The following BICRA variants were observed in gnomAD, a reference collection of about 807,000 sequenced individuals.
The protein encoded by BICRA is BRD4 interacting chromatin remodeling complex associated protein.
In BICRA, 31 loss-of-function variants were observed where a neutral mutation model predicts 96.9. That is an observed-to-expected ratio of 0.32 (90% CI 0.24 to 0.43). The LOEUF (loss-of-function observed/expected upper bound fraction) is 0.43, where lower values mean the gene tolerates loss of function less well. BICRA is among the 20% of genes least tolerant of loss of function. The probability of loss-of-function intolerance (pLI) is 1.00; values close to 1 mark genes in which losing one functional copy is unlikely to be tolerated. For synonymous variants in BICRA, 1,350 were observed against 1,071.8 expected, an observed-to-expected ratio of 1.26 and a Z score of -5.07; for missense variants, 2,283 against 2,190.3, an observed-to-expected ratio of 1.04 and a Z score of -0.84.
chr19:47,694,811 C>A, intron 8 of BICRA, 85 bp downstream of exon 8: 1 of 1,144,778 alleles, frequency 8.7e-7, no homozygotes, highest in Non-Finnish European at 1.2e-6. Context: ...CGCCTTACGG[C>A]TCTGTGATCC....
At chr19:47,635,426 T>C (rs956831589) in intron 1 of BICRA, among the ~76,000 whole-genome samples, 1 of 151,992 alleles carries the variant, frequency 6.6e-6, no homozygotes, top group Non-Finnish European at 1.5e-5. Flanking sequence ...TTTTTTTTTT[T>C]ACTTTTTGTA....
chr19:47,675,542 G>C lies in BICRA; in HGVS notation c.85-309G>C, dbSNP rs559305591. On this transcript the variant is annotated intron_variant, in intron 4 of 14. Coordinates refer to ENST00000594866, the MANE Select transcript of BICRA (RefSeq NM_001394372.1). This position sits in a 1 kb window ranked among gnomAD's most constrained non-coding sequence, Gnocchi z 4.7. The stretch of plus-strand genomic sequence containing the variant: ...AGGCTGTGCTACTGGAGAGACTGGG[G>C]GGCAGTGGCAGGGCGCAGCTTGGGC... Among the ~76,000 whole-genome samples, 6 of 152,326 alleles carry C rather than the reference G, an allele frequency of 3.9e-5. No homozygotes were observed. In the South Asian group the frequency reaches 1.2e-3, roughly 32 times the overall value.
chr19:47,654,072 C>T (rs1972579723), intron 1 of BICRA, among the ~76,000 whole-genome samples: 2 of 152,146 alleles, frequency 1.3e-5, no homozygotes, highest in South Asian at 2.1e-4. Context: ...TGCTGGGCCA[C>T]GTGGCAACTC....
At chr19:47,613,922 T>G (rs1971947298) in intron 1 of BICRA, among the ~76,000 whole-genome samples, 1 of 151,700 alleles carries the variant, frequency 6.6e-6, no homozygotes, top group African/African-American at 2.4e-5. Flanking sequence ...ATGTATTCAT[T>G]GGGGGGAGGG....
chr19:47,648,582 G>A (rs1331131297), intron 1 of BICRA, among the ~76,000 whole-genome samples: 1 of 151,830 alleles, frequency 6.6e-6, no homozygotes, highest in African/African-American at 2.4e-5. Context: ...TCGAGAAAAG[G>A]AAGGGCATGG....
chr19:47,625,865 G>A (rs184313917), intron 1 of BICRA, among the ~76,000 whole-genome samples: 82 of 152,228 alleles, frequency 5.4e-4, no homozygotes, highest in African/African-American at 1.9e-3. Flanking sequence ...TGGGGGCCGG[G>A]GGCACGGGGA....
rs1973436483 is a variant in BICRA, at chr19:47,701,239, A to G, written c.3596-89A>G. 4 of 846,494 alleles carry G rather than the reference A, an allele frequency of 4.7e-6. No individual in the cohort carries two copies. Among genetic ancestry groups the G allele is most frequent in the South Asian group, 1.4e-5 (1 of 69,882 alleles). The allele number at this position is 846,494 out of a possible 1,614,324, so 52.4% of individuals were successfully genotyped here. Reference sequence around the variant, plus strand: ...GGGTGCAGTCTGGTGCCTGGCAGGTAGTAGGTGCTCACTGCACACAGCTCC... The same window carrying G: ...GGGTGCAGTCTGGTGCCTGGCAGGTGGTAGGTGCTCACTGCACACAGCTCC... On this transcript the variant is annotated intron_variant, in intron 14 of 14. Transcript: ENST00000594866. This position sits in a 1 kb window ranked among gnomAD's most constrained non-coding sequence, Gnocchi z 5.4.
Position 47,641,771 on chromosome 19 carries a change from A to G in BICRA, c.-107-28672A>G, listed in dbSNP as rs1267294815. Among the ~76,000 whole-genome samples the G allele has an allele frequency of 2.6e-5, 4 of 152,204 alleles. No homozygotes were observed. In the East Asian group the frequency reaches 5.8e-4, roughly 22 times the overall value. Reference sequence around the variant, plus strand: ...TTTTGATAGTGATTACATTGAATCTATAGACCAATTTGAGTAATATATATA... The same window carrying G: ...TTTTGATAGTGATTACATTGAATCTGTAGACCAATTTGAGTAATATATATA... On this transcript the variant is annotated intron_variant, in intron 1 of 14. Transcript: ENST00000594866.
chr19:47,648,376 T>G (rs1468633013), intron 1 of BICRA, among the ~76,000 whole-genome samples: 6 of 151,978 alleles, frequency 3.9e-5, no homozygotes, highest in Non-Finnish European at 8.8e-5. Flanking sequence ...ATCATCCTCC[T>G]TCAGGAGTCC....
intron 1 of BICRA, among the ~76,000 whole-genome samples, chr19:47,610,385 C>T (rs960134162): frequency 3.9e-5 from 6 of 152,212 alleles, no homozygotes; most frequent in Non-Finnish European, 8.8e-5. Context: ...CGGGCTCGGG[C>T]GCCGGCGGTG....
intron 1 of BICRA, among the ~76,000 whole-genome samples, chr19:47,613,035 C>T (rs117148896): frequency 6.6e-6 from 1 of 151,968 alleles, no homozygotes; most frequent in South Asian, 2.1e-4. Flanking sequence ...AGGAACTGAT[C>T]TTTTTGGGGG....
intron 1 of BICRA, among the ~76,000 whole-genome samples, chr19:47,610,200 AGGAGGAG>A (rs1971880810): frequency 6.6e-6 from 1 of 152,026 alleles, no homozygotes; most frequent in Non-Finnish European, 1.5e-5. Context: ...GGAGGGATGG[AGGAGGAG>A]GGAGGAGGGA....
intron 1 of BICRA, among the ~76,000 whole-genome samples, chr19:47,627,229 G>A (rs1333627244): frequency 1.3e-5 from 2 of 152,106 alleles, no homozygotes; most frequent in Non-Finnish European, 2.9e-5. Context: ...CTTTCAGAGA[G>A]CAATATGTTC....
At chr19:47,672,053 A>C (rs1399032272) in intron 2 of BICRA, among the ~76,000 whole-genome samples, 3 of 138,244 alleles carry the variant, frequency 2.2e-5, no homozygotes, top group Non-Finnish European at 4.7e-5. Context: ...GGGTAGATGG[A>C]TGGAAGGATG....
In BICRA at chr19:47,698,585, G is replaced by GGCC; in HGVS notation, c.3249-49_3249-48insGCC. On this transcript the variant is annotated intron_variant, in intron 11 of 14. Coordinates refer to ENST00000594866, the MANE Select transcript of BICRA (RefSeq NM_001394372.1). The surrounding 1 kb of genome is among the most constrained non-coding windows in gnomAD (Gnocchi z 4.8). ...CAGGGACTTCCCCTGGCCCTCACCC[G>GGCC]TCCCCCCCACCCTCCGCCGTGTGTG... 1.8e-6 allele frequency: 1 copy of GGCC among 549,040 alleles called. No homozygotes were observed. 34.0% of individuals were successfully genotyped at this position (549,040 alleles called of 1,614,324 possible). A position where few individuals can be genotyped will look rare whatever the true frequency, so the allele number is the denominator to read the frequency against.
chr19:47,701,523 C>T lies in BICRA; in HGVS notation c.3791C>T (p.Ala1264Val). 5 of 1,547,976 alleles carry T rather than the reference C, an allele frequency of 3.2e-6. No individual in the cohort carries two copies. Among genetic ancestry groups the T allele is most frequent in the Non-Finnish European group, 4.4e-6 (5 of 1,146,554 alleles). ...GGSPSVTWAR[A>V]SSSLSSSSSS... ...TCCCCTTCGGTCACCTGGGCCCGGG[C>T]GTCCTCCTCCCTGTCCTCCTCTTCC... Residue 1264 changes from alanine (A) to valine (V), a missense_variant, in exon 15 of 15, where the codon GCG becomes GTG. Coordinates refer to ENST00000594866, the MANE Select transcript of BICRA (RefSeq NM_001394372.1). This position sits in a 1 kb window ranked among gnomAD's most constrained non-coding sequence, Gnocchi z 5.4.
In BICRA at chr19:47,694,859, G is replaced by GC; in HGVS notation, c.2896-39dup. On this transcript the variant is annotated intron_variant, in intron 8 of 14. Transcript: ENST00000594866. ...CTGCGTCTGGACACCCCTACACCTA[G>GC]CCTATGTTCCCCACCCCTCATCCAC... 9.2e-6 allele frequency: 13 copies of GC among 1,415,114 alleles called. No homozygotes were observed. The South Asian group carries it at 1.8e-4, about 19-fold the overall frequency. The allele number at this position is 1,415,114 out of a possible 1,614,324, so 87.7% of individuals were successfully genotyped here. A position where few individuals can be genotyped will look rare whatever the true frequency, so the allele number is the denominator to read the frequency against.
rs781267484 is a variant in BICRA, at chr19:47,675,810, C to T, written c.85-41C>T. The T allele has an allele frequency of 2.0e-6, 3 of 1,526,098 alleles. No homozygotes were observed. The highest frequency in any genetic ancestry group is 2.7e-6 in the Non-Finnish European group (3 of 1,107,514). The allele number at this position is 1,526,098 out of a possible 1,614,324, so 94.5% of individuals were successfully genotyped here. A position where few individuals can be genotyped will look rare whatever the true frequency, so the allele number is the denominator to read the frequency against. On this transcript the variant is annotated intron_variant, in intron 4 of 14. Transcript: ENST00000594866. This position sits in a 1 kb window ranked among gnomAD's most constrained non-coding sequence, Gnocchi z 4.7. ...TTCTGCTCCAGAGCATGGGCCTGCC[C>T]TGCTGACTTTTGACCTTGGATGGGG...
In BICRA at chr19:47,681,044, C is replaced by G; in HGVS notation, c.1874C>G (p.Pro625Arg). 7.1e-7 allele frequency: 1 copy of G among 1,412,928 alleles called. No individual in the cohort carries two copies. Among genetic ancestry groups the G allele is most frequent in the African/African-American group, 1.5e-5 (1 of 65,706 alleles). 87.5% of individuals were successfully genotyped at this position (1,412,928 alleles called of 1,614,324 possible). ...AAPVLTVQPA[P>R]QAPPAVSTPL... Reference sequence around the variant, plus strand: ...CCTGTCCTCACGGTGCAGCCTGCCCCCCAGGCGCCCCCCGCGGTCAGCACA... The same window carrying G: ...CCTGTCCTCACGGTGCAGCCTGCCCGCCAGGCGCCCCCCGCGGTCAGCACA... The change falls in exon 6 of 15, where the codon CCC (proline) becomes CGC (arginine). Residue 625 changes from proline (P) to arginine (R), a missense_variant. By Grantham distance (103) the Pro-to-Arg change is moderately radical. Transcript: ENST00000594866.
Sources: gnomAD v4.1 joint callset for allele counts (sites outside exome capture counted in the v4.1 genomes callset) on GRCh38, gnomAD v4.1.1 for gene constraint, Gnocchi (gnomAD v3.1) non-coding constraint, MANE v1.5 for transcripts, NCBI Gene and HGNC (gene_info 2026-07-23, HGNC 2026-07-21) for gene names.